GRM8: variants seen among roughly 807,000 people sequenced by gnomAD.
GRM8 encodes glutamate metabotropic receptor 8.
In GRM8, 47 loss-of-function variants were observed where a neutral mutation model predicts 87.2. The ratio of observed to expected loss-of-function variants is 0.54; its 90% CI spans 0.43 to 0.69. GRM8 has a LOEUF of 0.69. Ranked by LOEUF, GRM8 falls within the 30% of genes least tolerant of loss-of-function variation. The pLI is 0.00. For synonymous variants in GRM8, 396 were observed against 404.5 expected, an observed-to-expected ratio of 0.98 and a Z score of 0.25; for missense variants, 1,019 against 1,139.2, an observed-to-expected ratio of 0.89 and a Z score of 1.52.
intron 9 of GRM8, among the ~76,000 whole-genome samples, chr7:126,530,820 T>G (rs1166440424): frequency 6.6e-6 from 1 of 152,226 alleles, no homozygotes; most frequent in Non-Finnish European, 1.5e-5. Context: ...TTTATTTTTT[T>G]TGGTAGAGAC....
In GRM8 at chr7:127,236,539, G is replaced by A. The variant is rs186633070; in HGVS notation, c.510+6156C>T. On this transcript the variant is annotated intron_variant, in intron 2 of 10. Coordinates refer to ENST00000339582, the MANE Select transcript of GRM8 (RefSeq NM_000845.3). ...GCCCCTTATAAAACCATCAGATCTC[G>A]TGAGAACTCACTCACTATCACGAGA... Among the ~76,000 whole-genome samples the A allele has an allele frequency of 7.8e-3, 1,189 of 152,162 alleles. 17 individuals are homozygous for A. Among genetic ancestry groups the A allele is most frequent in the Non-Finnish European group, 9.1e-3 (617 of 68,002 alleles).
In GRM8 at chr7:126,533,102, CA is replaced by C; in HGVS notation, c.2279del (p.Met760ArgfsTer36). The C allele has an allele frequency of 1.2e-6, 2 of 1,613,308 alleles. No homozygotes were observed. The highest frequency in any genetic ancestry group is 1.7e-6 in the Non-Finnish European group (2 of 1,179,850). On this transcript the variant is annotated frameshift_variant, in exon 9 of 11. Coordinates refer to ENST00000339582, the MANE Select transcript of GRM8 (RefSeq NM_000845.3). LOFTEE classifies it high-confidence loss of function. ...ICSLGYSILL[M>X]VTCTVYAIKT... ...TAATGGCATAAACAGTACAAGTGAC[CA>C]TCAAGAGGATACTGTATCCAAGTGA...
chr7:127,232,001 A>T (rs1007382132), intron 2 of GRM8, among the ~76,000 whole-genome samples: 1 of 152,012 alleles, frequency 6.6e-6, no homozygotes, highest in Non-Finnish European at 1.5e-5. Flanking sequence ...TTTTTTGAAT[A>T]AAACTGACTC....
At chr7:127,184,393 A>G (rs560956511) in intron 2 of GRM8, among the ~76,000 whole-genome samples, 5 of 151,874 alleles carry the variant, frequency 3.3e-5, no homozygotes, top group East Asian at 3.9e-4. Context: ...AGGCTAAGGG[A>G]AAAAAAAGCA....
intron 3 of GRM8, among the ~76,000 whole-genome samples, chr7:126,942,441 C>T (rs1360829961): frequency 1.3e-5 from 2 of 152,154 alleles, no homozygotes; most frequent in Non-Finnish European, 2.9e-5. Flanking sequence ...GGTGCTTAAG[C>T]ACTCATTACC....
intron 3 of GRM8, among the ~76,000 whole-genome samples, chr7:126,910,996 C>T (rs1803226542): frequency 6.6e-6 from 1 of 152,058 alleles, no homozygotes; most frequent in South Asian, 2.1e-4. Flanking sequence ...CTGTGAGAAT[C>T]CAATTATAAA....
chr7:127,168,061 A>G (rs558007843), intron 2 of GRM8, among the ~76,000 whole-genome samples: 5 of 152,294 alleles, frequency 3.3e-5, no homozygotes, highest in South Asian at 4.1e-4. Flanking sequence ...CTATCATCAG[A>G]GTGAAAAGGC....
At chr7:126,523,092 A>G (rs1453712477) in intron 9 of GRM8, among the ~76,000 whole-genome samples, 1 of 152,366 alleles carries the variant, frequency 6.6e-6, no homozygotes, top group Non-Finnish European at 1.5e-5. Context: ...GGACGTTCAA[A>G]AAGGATTTTT....
chr7:126,535,005 G>C (rs10266408), intron 8 of GRM8, among the ~76,000 whole-genome samples: 1,899 of 152,202 alleles, frequency 0.012, 39 homozygotes, highest in African/African-American at 0.039. Flanking sequence ...GGAAGTACTG[G>C]GATATGGAAA....
intron 8 of GRM8, among the ~76,000 whole-genome samples, chr7:126,574,841 G>A (rs995233811): frequency 5.3e-5 from 8 of 151,780 alleles, no homozygotes; most frequent in African/African-American, 1.7e-4. Flanking sequence ...TGATACCATT[G>A]ATCGACCTGA....
At chr7:126,690,595 C>T (rs1042329065) in intron 7 of GRM8, among the ~76,000 whole-genome samples, 3 of 152,194 alleles carry the variant, frequency 2.0e-5, no homozygotes, top group African/African-American at 4.8e-5. Context: ...TAGTAGACCA[C>T]AACATGGTGA....
chr7:127,005,470 T>C (rs1814190665), intron 3 of GRM8, among the ~76,000 whole-genome samples: 1 of 151,794 alleles, frequency 6.6e-6, no homozygotes, highest in Non-Finnish European at 1.5e-5. Context: ...AGCTAATTGA[T>C]GGTTATGATA....
chr7:127,059,625 C>T (rs370852522), intron 3 of GRM8, among the ~76,000 whole-genome samples: 5 of 152,184 alleles, frequency 3.3e-5, no homozygotes, highest in East Asian at 1.9e-4. Context: ...CATGAGCCAC[C>T]GCGCCCGGCC....
chr7:127,213,469 C>G (rs564535345), intron 2 of GRM8, among the ~76,000 whole-genome samples: 182 of 152,248 alleles, frequency 1.2e-3, no homozygotes, highest in African/African-American at 4.1e-3. Flanking sequence ...ATATTATACA[C>G]TAGAAAATTT....
intron 3 of GRM8, among the ~76,000 whole-genome samples, chr7:127,102,219 T>A (rs2133039764): frequency 6.6e-6 from 1 of 152,294 alleles, no homozygotes; most frequent in South Asian, 2.1e-4. Context: ...AACTTATATT[T>A]AAAAGGGAAG....
chr7:126,700,742 T>G (rs994998184), intron 7 of GRM8, among the ~76,000 whole-genome samples: 7 of 152,088 alleles, frequency 4.6e-5, no homozygotes, highest in African/African-American at 1.7e-4. Context: ...TAAGTTACAT[T>G]CAGTCAAACA....
intron 3 of GRM8, among the ~76,000 whole-genome samples, chr7:126,987,562 G>A (rs1458636175): frequency 6.6e-6 from 1 of 151,914 alleles, no homozygotes; most frequent in Non-Finnish European, 1.5e-5. Flanking sequence ...CCAGGTTCAC[G>A]CCATTCTCCT....
At position 126,750,279 on chromosome 7, in the gene GRM8, T is replaced by C. The variant is rs745582251; in HGVS notation, c.1357+19586A>G. ...CCTTTTTTAAATTAAAAAAATCTAC[T>C]GATAGAAAGCAAATCAGTGATTTCT... is the stretch of plus-strand genomic sequence containing the variant. On this transcript the variant is annotated intron_variant, in intron 7 of 10. Coordinates refer to ENST00000339582, the MANE Select transcript of GRM8 (RefSeq NM_000845.3). Among the ~76,000 whole-genome samples, 2 of 152,042 alleles carry C rather than the reference T, an allele frequency of 1.3e-5. 1 individual carries two copies. The highest frequency in any genetic ancestry group is 4.1e-4 in the South Asian group (2 of 4,822).
In GRM8 at chr7:126,619,687, A is replaced by T. The variant is rs564383809; in HGVS notation, c.1358-10189T>A. Among the ~76,000 whole-genome samples the T allele has an allele frequency of 7.2e-5, 11 of 151,858 alleles. No homozygotes were observed. The South Asian group carries it at 2.3e-3, about 32-fold the overall frequency. ...ATTTCATAAATTTTGATGTGTATTAATTTTGTTTTTGAGGAGGGTGGTGGA... is the reference window on the plus strand; with the variant it reads ...ATTTCATAAATTTTGATGTGTATTATTTTTGTTTTTGAGGAGGGTGGTGGA... On this transcript the variant is annotated intron_variant, in intron 7 of 10. Coordinates refer to ENST00000339582, the MANE Select transcript of GRM8 (RefSeq NM_000845.3).
Sources: allele counts gnomAD v4.1 joint callset (sites outside exome capture counted in the v4.1 genomes callset), GRCh38; gene constraint gnomAD v4.1.1; transcripts MANE v1.5; gene names NCBI Gene and HGNC (gene_info 2026-07-23, HGNC 2026-07-21).